FGFR2: variants seen among roughly 807,000 people sequenced by gnomAD.
FGFR2 encodes BEK fibroblast growth factor receptor.
A neutral mutation model predicts 95.9 loss-of-function variants in FGFR2; 19 were observed. The observed-to-expected ratio is 0.20, with a 90% CI of 0.14 to 0.29. The LOEUF is 0.29. Among genes scored for constraint, FGFR2 ranks in the 10% least tolerant of loss-of-function variants. FGFR2 has a pLI of 1.00. For synonymous variants in FGFR2, 392 were observed against 393.3 expected (o/e 1.00, Z 0.04); for missense variants, 707 against 1,056.9 (o/e 0.67, Z 4.59).
chr10:121,487,499 G>A (rs987989085), intron 14 of FGFR2, 75 bp from the exon 15 acceptor site: 1 of 1,241,204 alleles, frequency 8.1e-7, no homozygotes, highest in Non-Finnish European at 1.2e-6. Flanking sequence ...ATAGGGCTAT[G>A]CCCTGTTTAA....
chr10:121,575,425 C>T (rs1393151140), intron 2 of FGFR2, among the ~76,000 whole-genome samples: 1 of 152,146 alleles, frequency 6.6e-6, no homozygotes, highest in Non-Finnish European at 1.5e-5. Context: ...GGTTTTCTCT[C>T]TGGTCCCAAC....
At chr10:121,520,321 G>T in intron 6 of FGFR2, 152 bp from the exon 7 acceptor site, 2 of 737,038 alleles carry the variant, frequency 2.7e-6, no homozygotes, top group African/African-American at 1.8e-5. Flanking sequence ...GTGGCCCCAT[G>T]AATAACAGAA....
rs139547587 is a variant in FGFR2, at chr10:121,532,045, G to A, written c.748+6547C>T. On this transcript the variant is annotated intron_variant, in intron 6 of 17. Transcript: ENST00000358487. ...TTCTGCCCCCCTCCGGTGAGATTTCGCAACTCTAGAGCTGGCATGCAGAGC... is the reference window on the plus strand; with the variant it reads ...TTCTGCCCCCCTCCGGTGAGATTTCACAACTCTAGAGCTGGCATGCAGAGC... Among the ~76,000 whole-genome samples the A allele has an allele frequency of 4.0e-3, 612 of 152,292 alleles. 4 individuals carry two copies. Among genetic ancestry groups the A allele is most frequent in the South Asian group, 0.023 (110 of 4,826 alleles).
intron 6 of FGFR2, among the ~76,000 whole-genome samples, chr10:121,536,607 C>T (rs1852861071): frequency 6.6e-6 from 1 of 152,190 alleles, no homozygotes; most frequent in Admixed American, 6.5e-5. Flanking sequence ...AATCCCAACC[C>T]TAAACTCTAA....
At chr10:121,555,881 C>T (rs1856063213) in intron 4 of FGFR2, among the ~76,000 whole-genome samples, 1 of 152,222 alleles carries the variant, frequency 6.6e-6, no homozygotes, top group South Asian at 2.1e-4. Flanking sequence ...TATAAACCCA[C>T]AGAAACTTCC....
At chr10:121,536,743 G>A (rs865876264) in intron 6 of FGFR2, among the ~76,000 whole-genome samples, 4 of 152,110 alleles carry the variant, frequency 2.6e-5, no homozygotes, top group South Asian at 2.1e-4. Flanking sequence ...AGCCCAGACC[G>A]GAGTGGCCGC....
chr10:121,549,210 C>T (rs1855013170), intron 5 of FGFR2, among the ~76,000 whole-genome samples: 1 of 152,156 alleles, frequency 6.6e-6, no homozygotes, highest in Admixed American at 6.5e-5. Flanking sequence ...AAGGCAAAAA[C>T]TTTTGCAGAA....
intron 13 of FGFR2, among the ~76,000 whole-genome samples, chr10:121,492,458 C>A (rs1340040854): frequency 3.3e-5 from 5 of 152,144 alleles, no homozygotes; most frequent in Non-Finnish European, 5.9e-5. Flanking sequence ...GGAGGCCAGG[C>A]ACTGTGTGTT....
intron 5 of FGFR2, among the ~76,000 whole-genome samples, chr10:121,550,416 G>A (rs778523395): frequency 1.1e-4 from 16 of 152,180 alleles, no homozygotes; most frequent in Admixed American, 1.0e-3. Context: ...ATGAACAAAG[G>A]CTAGAGGAGC....
chr10:121,526,298 T>C (rs373949910), intron 6 of FGFR2: 52 of 398,226 alleles, frequency 1.3e-4, no homozygotes, highest in African/African-American at 4.5e-4. Context: ...TAGGCGGTGG[T>C]TGCTTTTGTT....
chr10:121,571,952 A>AT (rs139747430), intron 2 of FGFR2, among the ~76,000 whole-genome samples: 4,242 of 143,878 alleles, frequency 0.029, 203 homozygotes, highest in African/African-American at 0.1. Context: ...TCAAAAAAAA[A>AT]ATAAAAAAAA....
intron 4 of FGFR2, among the ~76,000 whole-genome samples, chr10:121,558,615 T>TG (rs1856517442): frequency 2.0e-5 from 3 of 151,842 alleles, no homozygotes; most frequent in African/African-American, 7.3e-5. Flanking sequence ...TTTTTGTTTT[T>TG]TTTTTTTTTT....
chr10:121,526,106 G>T (rs17541509), intron 6 of FGFR2: 12,888 of 398,314 alleles, frequency 0.032, 273 homozygotes, highest in Middle Eastern at 0.048. Flanking sequence ...TAAGGAGCGT[G>T]GATAACCTCG....
chr10:121,510,674 C>T (rs1170946474), intron 9 of FGFR2, among the ~76,000 whole-genome samples: 4 of 152,126 alleles, frequency 2.6e-5, no homozygotes, highest in Non-Finnish European at 4.4e-5. Context: ...CCGAGGCACC[C>T]GCTCCGCTCC....
At chr10:121,498,101 T>C (rs1049605759) in intron 12 of FGFR2, among the ~76,000 whole-genome samples, 1 of 152,242 alleles carries the variant, frequency 6.6e-6, no homozygotes, top group Non-Finnish European at 1.5e-5. Flanking sequence ...CACAGCAAGA[T>C]GTGGATTCTT....
intron 2 of FGFR2, among the ~76,000 whole-genome samples, chr10:121,587,880 TCCCATTACTGGGTATATA>T (rs1862068617): frequency 6.6e-6 from 1 of 152,198 alleles, no homozygotes; most frequent in South Asian, 2.1e-4. Context: ...GACCCAGCAA[TCCCATTACTGGGTATATA>T]CCCAGAGGAA....
At chr10:121,566,837 A>G (rs1857742237) in intron 2 of FGFR2, among the ~76,000 whole-genome samples, 1 of 152,034 alleles carries the variant, frequency 6.6e-6, no homozygotes, top group Non-Finnish European at 1.5e-5. Context: ...GCCATGTCAA[A>G]CAAGGTCACA....
chr10:121,534,091 CTT>C (rs1022674124), intron 6 of FGFR2, among the ~76,000 whole-genome samples: 278 of 92,058 alleles, frequency 3.0e-3, no homozygotes, highest in African/African-American at 0.013. Context: ...CCCAAAATGG[CTT>C]TTTTTTTTTT....
intron 6 of FGFR2, among the ~76,000 whole-genome samples, chr10:121,533,052 G>A (rs1180323594): frequency 1.3e-5 from 2 of 152,208 alleles, no homozygotes; most frequent in Non-Finnish European, 2.9e-5. Flanking sequence ...GCTTTCATTT[G>A]AAGGGATGCG....
Sources: gnomAD v4.1 joint callset for allele counts (sites outside exome capture counted in the v4.1 genomes callset) on GRCh38, gnomAD v4.1.1 for gene constraint, MANE v1.5 for transcripts, NCBI Gene and HGNC (gene_info 2026-07-23, HGNC 2026-07-21) for gene names.